RSRC1: variants seen among roughly 807,000 people sequenced by gnomAD.
RSRC1 encodes serine/Arginine-related protein 53.
RSRC1 carries 39 observed loss-of-function variants against 49.1 expected under a neutral mutation model. The ratio of observed to expected loss-of-function variants is 0.79; its 90% CI spans 0.61 to 1.04. The LOEUF is 1.04. RSRC1 is among the 50% of genes least tolerant of loss of function. RSRC1 has a pLI of 0.00. For missense variants in RSRC1, 388 were observed against 402.4 expected, an observed-to-expected ratio of 0.96 and a Z score of 0.31; for synonymous variants, 143 against 130.8, an observed-to-expected ratio of 1.09 and a Z score of -0.63.
At chr3:158,183,070 CCTTT>C (rs1305470570) in intron 3 of RSRC1, among the ~76,000 whole-genome samples, 3 of 151,888 alleles carry the variant, frequency 2.0e-5, no homozygotes, top group Non-Finnish European at 4.4e-5. Flanking sequence ...TTTCCCTTCC[CCTTT>C]CTAATTCTTT....
At chr3:158,470,891 A>G (rs181335811) in intron 7 of RSRC1, among the ~76,000 whole-genome samples, 49 of 152,296 alleles carry the variant, frequency 3.2e-4, no homozygotes, top group African/African-American at 1.2e-3. Flanking sequence ...ATAGGGCAAG[A>G]GAGGTTGAGG....
At chr3:158,451,705 T>C (rs1560048614) in intron 6 of RSRC1, among the ~76,000 whole-genome samples, 3 of 152,200 alleles carry the variant, frequency 2.0e-5, no homozygotes, top group Admixed American at 2.0e-4. Flanking sequence ...GGAGGAACTG[T>C]TCACTCCAGT....
chr3:158,281,704 A>T (rs985043339), intron 4 of RSRC1, among the ~76,000 whole-genome samples: 1 of 152,374 alleles, frequency 6.6e-6, no homozygotes, highest in Middle Eastern at 3.4e-3. Context: ...GTTAGACAGT[A>T]TCAAATGGTT....
chr3:158,485,592 T>G (rs2108441023), intron 7 of RSRC1, among the ~76,000 whole-genome samples: 1 of 152,230 alleles, frequency 6.6e-6, no homozygotes, highest in South Asian at 2.1e-4. Context: ...AGTTTATCAG[T>G]ATTTGAGCTC....
chr3:158,400,875 G>T (rs997896377), intron 6 of RSRC1, among the ~76,000 whole-genome samples: 2 of 151,862 alleles, frequency 1.3e-5, no homozygotes, highest in Non-Finnish European at 1.5e-5. Flanking sequence ...TCAATTAACC[G>T]CTCATTGACT....
intron 6 of RSRC1, among the ~76,000 whole-genome samples, chr3:158,418,580 C>T (rs1734873233): frequency 6.6e-6 from 1 of 151,794 alleles, no homozygotes; most frequent in South Asian, 2.1e-4. Flanking sequence ...CGTTGAGGAG[C>T]CTAATGAGGT....
chr3:158,188,328 A>G (rs891027776), intron 3 of RSRC1, among the ~76,000 whole-genome samples: 3 of 151,972 alleles, frequency 2.0e-5, no homozygotes, highest in African/African-American at 7.2e-5. Flanking sequence ...CAGAACATCA[A>G]GGGGATCCTA....
At chr3:158,177,277 C>T (rs1719281990) in intron 3 of RSRC1, among the ~76,000 whole-genome samples, 1 of 152,202 alleles carries the variant, frequency 6.6e-6, no homozygotes, top group Non-Finnish European at 1.5e-5. Flanking sequence ...TTTGACCCAG[C>T]AATCCCATTT....
intron 7 of RSRC1, among the ~76,000 whole-genome samples, chr3:158,531,730 A>G (rs1352098653): frequency 2.0e-5 from 3 of 151,982 alleles, no homozygotes; most frequent in Non-Finnish European, 2.9e-5. Context: ...TTGGAGTTGG[A>G]TAGATTTATA....
chr3:158,199,658 T>G (rs576864355), intron 3 of RSRC1, among the ~76,000 whole-genome samples: 9 of 152,296 alleles, frequency 5.9e-5, no homozygotes, highest in African/African-American at 2.2e-4. Context: ...AACTATAAAT[T>G]TCTCCCTAAA....
At chr3:158,466,684 A>T (rs1360042084) in intron 7 of RSRC1, among the ~76,000 whole-genome samples, 1 of 152,324 alleles carries the variant, frequency 6.6e-6, no homozygotes, top group Middle Eastern at 3.4e-3. Context: ...CGAATAAATC[A>T]CTTAACCTCT....
intron 3 of RSRC1, among the ~76,000 whole-genome samples, chr3:158,176,288 T>C (rs1719212428): frequency 6.6e-6 from 1 of 152,162 alleles, no homozygotes; most frequent in Non-Finnish European, 1.5e-5. Flanking sequence ...CTTCACAGAA[T>C]TGGAAAAAAC....
intron 7 of RSRC1, among the ~76,000 whole-genome samples, chr3:158,499,108 T>G (rs1355804987): frequency 6.6e-6 from 1 of 152,170 alleles, no homozygotes; most frequent in African/African-American, 2.4e-5. Context: ...CTGGGCGCGG[T>G]GGCTCACACC....
intron 3 of RSRC1, among the ~76,000 whole-genome samples, chr3:158,160,842 T>C (rs1309678638): frequency 6.6e-6 from 1 of 152,202 alleles, no homozygotes; most frequent in Non-Finnish European, 1.5e-5. Flanking sequence ...TAGGTTACTT[T>C]ATTTGATTGT....
chr3:158,375,179 T>G (rs1221325619), intron 6 of RSRC1, among the ~76,000 whole-genome samples: 10 of 148,714 alleles, frequency 6.7e-5, no homozygotes, highest in Non-Finnish European at 1.0e-4. Context: ...TTATTATTAT[T>G]ATTATTATTA....
intron 7 of RSRC1, among the ~76,000 whole-genome samples, chr3:158,470,752 C>T (rs1033199308): frequency 3.6e-4 from 54 of 152,040 alleles, no homozygotes; most frequent in African/African-American, 1.3e-3. Context: ...TTAACATTTC[C>T]ACCCTATTGT....
chr3:158,409,336 G>A (rs1011684349), intron 6 of RSRC1, among the ~76,000 whole-genome samples: 7 of 152,138 alleles, frequency 4.6e-5, no homozygotes, highest in Non-Finnish European at 8.8e-5. Flanking sequence ...AGAGCAACTA[G>A]AGGGATATAA....
At chr3:158,326,429 T>C (rs1729147393) in intron 5 of RSRC1, among the ~76,000 whole-genome samples, 1 of 152,246 alleles carries the variant, frequency 6.6e-6, no homozygotes, top group Non-Finnish European at 1.5e-5. Flanking sequence ...ATTGAGAGTT[T>C]TTAGCATGAG....
At chr3:158,294,583 A>T (rs1727129393) in intron 4 of RSRC1, among the ~76,000 whole-genome samples, 1 of 152,018 alleles carries the variant, frequency 6.6e-6, no homozygotes, top group Non-Finnish European at 1.5e-5. Flanking sequence ...ATCTAAAAGG[A>T]GGGGTAAAAA....
Sources: allele counts gnomAD v4.1 joint callset (sites outside exome capture counted in the v4.1 genomes callset), GRCh38; gene constraint gnomAD v4.1.1; transcripts MANE v1.5; gene names NCBI Gene and HGNC (gene_info 2026-07-23, HGNC 2026-07-21).